Variants in SLIT3 observed in about 807,000 individuals in gnomAD.
The protein encoded by SLIT3 is slit homolog 3 protein.
Under a neutral mutation model 184.0 loss-of-function variants are expected in SLIT3, and 68 were observed. The observed-to-expected ratio is 0.37, with a 90% confidence interval of 0.30 to 0.45. The LOEUF (loss-of-function observed/expected upper bound fraction) is 0.45, where lower values mean the gene tolerates loss of function less well. Among genes scored for constraint, SLIT3 ranks in the 20% least tolerant of loss-of-function variants. The pLI is 1.00. For missense variants in SLIT3, 1,707 were observed against 2,026.0 expected (o/e 0.84, Z 3.02); for synonymous variants, 831 against 828.6 (o/e 1.00, Z -0.05).
chr5:169,247,594 C>G (rs1182753339), intron 2 of SLIT3, among the ~76,000 whole-genome samples: 1 of 152,142 alleles, frequency 6.6e-6, no homozygotes, highest in Non-Finnish European at 1.5e-5. Flanking sequence ...GCAAGGATAT[C>G]TATATGAGAT....
At chr5:169,237,048 T>C (rs1213155806) in intron 3 of SLIT3, among the ~76,000 whole-genome samples, 1 of 152,170 alleles carries the variant, frequency 6.6e-6, no homozygotes, top group East Asian at 1.9e-4. Flanking sequence ...TGTTAACCCA[T>C]ATCCCCAGGG....
chr5:168,666,893 T>TAC (rs1295943688), intron 35 of SLIT3: 5 of 789,724 alleles, frequency 6.3e-6, no homozygotes, highest in Non-Finnish European at 8.5e-6. Context: ...CTGACAGGCT[T>TAC]ACACCTAAGC....
intron 4 of SLIT3, among the ~76,000 whole-genome samples, chr5:169,005,999 A>C (rs62379463): frequency 0.036 from 5,543 of 152,320 alleles, 125 homozygotes; most frequent in Middle Eastern, 0.065. Flanking sequence ...TCAACAGGCA[A>C]TTCCTCAGTG....
At chr5:169,263,803 G>C (rs540499905) in intron 1 of SLIT3, 1 of 408,936 alleles carries the variant, frequency 2.4e-6, no homozygotes, top group East Asian at 9.0e-5. Flanking sequence ...ACTCATTTTG[G>C]TCTTTCATCA....
chr5:169,044,981 C>T (rs1276183448), intron 4 of SLIT3, among the ~76,000 whole-genome samples: 1 of 152,192 alleles, frequency 6.6e-6, no homozygotes, highest in Non-Finnish European at 1.5e-5. Flanking sequence ...AGCCTTCTGT[C>T]CATCACGGGA....
intron 4 of SLIT3, among the ~76,000 whole-genome samples, chr5:168,912,072 C>T (rs1761269531): frequency 6.6e-6 from 1 of 152,188 alleles, no homozygotes; most frequent in South Asian, 2.1e-4. Flanking sequence ...CCTCTTCTTC[C>T]TCCTGCTCAG....
rs1357049962 is a variant in SLIT3, at chr5:169,090,717, C to G, written c.413+102762G>C. On this transcript the variant is annotated intron_variant, in intron 4 of 35. Transcript: ENST00000519560. ...ATAGACAGACACACAGAAGAAAAGG[C>G]AATGTGAAGACAAGACAGAGGCCGG... Among the ~76,000 whole-genome samples the G allele has an allele frequency of 2.6e-5, 4 of 152,280 alleles. No individual in the cohort carries two copies. The East Asian group carries it at 7.7e-4, about 29-fold the overall frequency.
chr5:169,081,729 G>A (rs1450199565), intron 4 of SLIT3, among the ~76,000 whole-genome samples: 2 of 152,176 alleles, frequency 1.3e-5, no homozygotes, highest in Non-Finnish European at 2.9e-5. Flanking sequence ...GCAGTAGGAG[G>A]TTGGACAGAG....
chr5:168,943,432 G>A (rs1422726484), intron 4 of SLIT3, among the ~76,000 whole-genome samples: 2 of 152,170 alleles, frequency 1.3e-5, no homozygotes, highest in Non-Finnish European at 2.9e-5. Context: ...TGAACTGAAC[G>A]TACTTTGTGT....
chr5:169,299,258 C>T (rs1337675289), intron 1 of SLIT3, among the ~76,000 whole-genome samples: 1 of 152,074 alleles, frequency 6.6e-6, no homozygotes, highest in African/African-American at 2.4e-5. Context: ...AAGAGAGCAC[C>T]AGGAATAAGG....
intron 18 of SLIT3, among the ~76,000 whole-genome samples, chr5:168,751,667 G>T (rs546385665): frequency 4.0e-4 from 60 of 151,896 alleles, no homozygotes; most frequent in Non-Finnish European, 7.8e-4. Flanking sequence ...ACTCCTTTAG[G>T]TGCCCAGAAA....
chr5:168,741,626 G>C (rs1175100209), intron 20 of SLIT3, among the ~76,000 whole-genome samples: 2 of 152,114 alleles, frequency 1.3e-5, no homozygotes, highest in African/African-American at 2.4e-5. Context: ...GGTCTAGAAG[G>C]GGAAATAAGT....
chr5:168,668,625 C>T (rs1291562089), intron 35 of SLIT3, among the ~76,000 whole-genome samples: 1 of 152,246 alleles, frequency 6.6e-6, no homozygotes, highest in Non-Finnish European at 1.5e-5. Context: ...GGGTCTGTCT[C>T]TGTCACCTGG....
At chr5:168,780,355 C>T (rs1284759665) in intron 12 of SLIT3, among the ~76,000 whole-genome samples, 1 of 152,240 alleles carries the variant, frequency 6.6e-6, no homozygotes, top group African/African-American at 2.4e-5. Context: ...GGAAGATGGG[C>T]CCAGGCTCCT....
intron 4 of SLIT3, among the ~76,000 whole-genome samples, chr5:169,009,112 G>A (rs1453639128): frequency 6.6e-6 from 1 of 152,046 alleles, no homozygotes; most frequent in African/African-American, 2.4e-5. Flanking sequence ...AGAGAAACCA[G>A]GAAAGGTTAA....
At chr5:169,274,651 C>A (rs529418707) in intron 1 of SLIT3, among the ~76,000 whole-genome samples, 9 of 152,266 alleles carry the variant, frequency 5.9e-5, no homozygotes, top group East Asian at 3.9e-4. Context: ...AATCTCTGGG[C>A]AAACAGGGAG....
At chr5:168,680,165 A>T (rs1283850270) in intron 32 of SLIT3, among the ~76,000 whole-genome samples, 3 of 152,264 alleles carry the variant, frequency 2.0e-5, no homozygotes, top group Admixed American at 1.3e-4. Flanking sequence ...ACCACTCCCT[A>T]TGGGGACTCC....
intron 4 of SLIT3, among the ~76,000 whole-genome samples, chr5:169,166,853 C>T (rs891649606): frequency 6.6e-6 from 1 of 152,126 alleles, no homozygotes; most frequent in African/African-American, 2.4e-5. Flanking sequence ...TCCCATGTAC[C>T]TCCCCTATCC....
At position 168,665,902 on chromosome 5, in the gene SLIT3, A is replaced by C. The variant is rs1269798905; in HGVS notation, c.*552T>G. 1 of 152,118 alleles carries C rather than the reference A, an allele frequency of 6.6e-6. No individual in the cohort carries two copies. The highest frequency in any genetic ancestry group is 2.4e-5 in the African/African-American group (1 of 41,410). The allele number at this position is 152,118 out of a possible 1,614,324, so 9.4% of individuals were successfully genotyped here. A position where few individuals can be genotyped will look rare whatever the true frequency, so the allele number is the denominator to read the frequency against. ...GGGCACTGACATCCAGGACTCCGAA[A>C]AGCTGGGTAATTTTAGGGGAGGAAA... On this transcript the variant is annotated 3_prime_UTR_variant, in exon 36 of 36. Transcript: ENST00000519560.
Sources: gnomAD v4.1 joint callset for allele counts (sites outside exome capture counted in the v4.1 genomes callset) on GRCh38, gnomAD v4.1.1 for gene constraint, MANE v1.5 for transcripts, NCBI Gene and HGNC (gene_info 2026-07-23, HGNC 2026-07-21) for gene names.